SLCO1B3: variants seen among roughly 807,000 people sequenced by gnomAD.
The protein encoded by SLCO1B3 is liver-specific organic anion transporter 2.
A neutral mutation model predicts 71.8 loss-of-function variants in SLCO1B3; 72 were observed. The ratio of observed to expected loss-of-function variants is 1.00; its 90% CI spans 0.83 to 1.22. The LOEUF (loss-of-function observed/expected upper bound fraction) is 1.22. Among genes scored for constraint, SLCO1B3 ranks in the 50% most tolerant of loss-of-function variants. The pLI is 0.00. For missense variants in SLCO1B3, 911 were observed against 819.7 expected (o/e 1.11, Z -1.36); for synonymous variants, 298 against 278.4 (o/e 1.07, Z -0.70).
Position 20,879,537 on chromosome 12 carries a change from C to T in SLCO1B3, c.1237C>T (p.Leu413Phe), listed in dbSNP as rs577433244. The change falls in exon 11 of 16, where the codon CTT becomes TTT. Residue 413 changes from leucine to phenylalanine, a missense_variant. Physicochemically the swap from Leu to Phe is conservative, Grantham distance 22. Coordinates refer to ENST00000381545, the MANE Select transcript of SLCO1B3 (RefSeq NM_019844.4). ...SLVGIAKFSF[L>F]TSMISFLFQL... is the part of the protein sequence containing the mutation. ...AGTTGGAATTGCCAAATTTTCATTTCTTACTTCGATGATATCCTTCTTGTT... is the reference window on the plus strand; with the variant it reads ...AGTTGGAATTGCCAAATTTTCATTTTTTACTTCGATGATATCCTTCTTGTT... 1.1e-5 allele frequency: 17 copies of T among 1,611,874 alleles called. No individual in the cohort carries two copies. Among genetic ancestry groups the T allele is most frequent in the Non-Finnish European group, 7.6e-6 (9 of 1,178,564 alleles).
intron 8 of SLCO1B3, among the ~76,000 whole-genome samples, chr12:20,874,799 C>CT (rs1279465063): frequency 6.6e-6 from 1 of 152,126 alleles, no homozygotes; most frequent in Admixed American, 6.5e-5. Context: ...TTTATTGTCT[C>CT]TAAGTATTTT....
chr12:20,894,500 C>T (rs1370899505), intron 13 of SLCO1B3, among the ~76,000 whole-genome samples: 1 of 152,098 alleles, frequency 6.6e-6, no homozygotes, highest in Admixed American at 6.5e-5. Context: ...ATCTGCAAGT[C>T]CCCCCAAGTC....
At chr12:20,881,657 T>C (rs1277324605) in intron 12 of SLCO1B3, among the ~76,000 whole-genome samples, 1 of 151,954 alleles carries the variant, frequency 6.6e-6, no homozygotes, top group African/African-American at 2.4e-5. Flanking sequence ...AAATTCCATT[T>C]CTTTCTTAAC....
chr12:20,829,723 C>G (rs1864499850), intron 3 of SLCO1B3, among the ~76,000 whole-genome samples: 1 of 152,080 alleles, frequency 6.6e-6, no homozygotes, highest in African/African-American at 2.4e-5. Flanking sequence ...AATAGCTATT[C>G]CATAGAGAGA....
At chr12:20,860,824 C>T (rs1285345914) in intron 5 of SLCO1B3, among the ~76,000 whole-genome samples, 193 bp from the exon 6 acceptor site, 7 of 152,054 alleles carry the variant, frequency 4.6e-5, no homozygotes. Context: ...AAGTATCTTT[C>T]TTAGTGGACA....
intron 4 of SLCO1B3, among the ~76,000 whole-genome samples, chr12:20,857,518 A>T (rs1371233976): frequency 1.3e-5 from 2 of 151,526 alleles, no homozygotes; most frequent in African/African-American, 4.8e-5. Flanking sequence ...CTAATTTGTA[A>T]ATTTTTAATT....
At chr12:20,905,700 C>T (rs1265135210) in intron 15 of SLCO1B3, among the ~76,000 whole-genome samples, 1 of 152,176 alleles carries the variant, frequency 6.6e-6, no homozygotes, top group Non-Finnish European at 1.5e-5. Context: ...CCATCTGAGA[C>T]AATCCTGAAC....
intron 8 of SLCO1B3, 53 bp from the exon 9 acceptor site, chr12:20,875,182 C>T: frequency 6.3e-7 from 1 of 1,595,784 alleles, no homozygotes; most frequent in Non-Finnish European, 8.6e-7. Context: ...TTCCCAGAAC[C>T]TACTGTATTT....
At chr12:20,900,752 A>G (rs1335448363) in intron 14 of SLCO1B3, among the ~76,000 whole-genome samples, 1 of 152,196 alleles carries the variant, frequency 6.6e-6, no homozygotes, top group African/African-American at 2.4e-5. Context: ...GGCACTAAGA[A>G]AGAGAGAATT....
In SLCO1B3 at chr12:20,875,375, A is replaced by G; in HGVS notation, c.868A>G (p.Arg290Gly). 1 of 1,612,780 alleles carries G rather than the reference A, an allele frequency of 6.2e-7. No homozygotes were observed. Among genetic ancestry groups the G allele is most frequent in the Non-Finnish European group, 8.5e-7 (1 of 1,179,482 alleles). ...PKNPNKPQKE[R>G]KISLSLHVLK... The stretch of plus-strand genomic sequence containing the variant: ...AAATCCAAATAAACCACAAAAAGAA[A>G]GAAAAATTTCACTATCATTGCATGT... The change falls in exon 9 of 16, where the codon AGA becomes GGA. Residue 290 changes from arginine to glycine, a missense_variant. Physicochemically the swap from Arg to Gly is moderately radical, Grantham distance 125 (BLOSUM62 -2). Transcript: ENST00000381545.
intron 3 of SLCO1B3, among the ~76,000 whole-genome samples, chr12:20,828,628 T>G (rs959472119): frequency 6.7e-6 from 1 of 150,168 alleles, no homozygotes; most frequent in Non-Finnish European, 1.5e-5. Flanking sequence ...AAAGAAAGCA[T>G]AAAGGCACAC....
chr12:20,892,258 G>T (rs1865920086), intron 13 of SLCO1B3, among the ~76,000 whole-genome samples: 1 of 152,176 alleles, frequency 6.6e-6, no homozygotes, highest in South Asian at 2.1e-4. Flanking sequence ...TGTGTGTTAT[G>T]TAGGATCTAA....
intron 5 of SLCO1B3, among the ~76,000 whole-genome samples, chr12:20,859,490 T>TCCCA (rs1565592069): frequency 5.0e-5 from 7 of 140,584 alleles, no homozygotes; most frequent in Admixed American, 2.2e-4. Context: ...TCTGTTTTTT[T>TCCCA]CCCCCTCTAC....
Position 20,916,417 on chromosome 12 carries a change from G to C in SLCO1B3, c.*170G>C, listed in dbSNP as rs1866501210. 2 of 550,126 alleles carry C rather than the reference G, an allele frequency of 3.6e-6. No individual in the cohort carries two copies. Among genetic ancestry groups the C allele is most frequent in the East Asian group, 6.0e-5 (2 of 33,436 alleles). 34.1% of individuals were successfully genotyped at this position (550,126 alleles called of 1,614,324 possible). A position where few individuals can be genotyped will look rare whatever the true frequency, so the allele number is the denominator to read the frequency against. On this transcript the variant is annotated 3_prime_UTR_variant, in exon 16 of 16. Coordinates refer to ENST00000381545, the MANE Select transcript of SLCO1B3 (RefSeq NM_019844.4). ...GATATAGCTATGCCTTTATGGTTAAGATTAGAATATATGATCCATAAAAAT... is the reference window on the plus strand; with the variant it reads ...GATATAGCTATGCCTTTATGGTTAACATTAGAATATATGATCCATAAAAAT...
chr12:20,877,895 A>C lies in SLCO1B3; in HGVS notation c.1094A>C (p.Gln365Pro). ...SFTYVFKYME[Q>P]QYGQSASHAN... is the part of the protein sequence containing the mutation. ...ACTTACGTCTTTAAATATATGGAGC[A>C]ACAGTACGGTCAGTCTGCATCTCAT... The change falls in exon 10 of 16, where the codon CAA becomes CCA. Residue 365 changes from glutamine to proline, a missense_variant. Coordinates refer to ENST00000381545, the MANE Select transcript of SLCO1B3 (RefSeq NM_019844.4). 1 of 1,591,432 alleles carries C rather than the reference A, an allele frequency of 6.3e-7. No individual in the cohort carries two copies. Among genetic ancestry groups the C allele is most frequent in the Non-Finnish European group, 8.5e-7 (1 of 1,171,508 alleles).
intron 3 of SLCO1B3, among the ~76,000 whole-genome samples, chr12:20,848,643 T>G (rs565946093): frequency 1.3e-5 from 2 of 152,320 alleles, no homozygotes; most frequent in Admixed American, 6.5e-5. Context: ...AATGTAATTT[T>G]TTTTAGTGAT....
At chr12:20,899,070 C>T (rs1380461354) in intron 14 of SLCO1B3, among the ~76,000 whole-genome samples, 1 of 152,066 alleles carries the variant, frequency 6.6e-6, no homozygotes, top group African/African-American at 2.4e-5. Flanking sequence ...TGAGGATGTC[C>T]TGAATAAAAG....
intron 5 of SLCO1B3, 87 bp downstream of exon 5, chr12:20,858,658 G>A: frequency 1.6e-6 from 2 of 1,275,128 alleles, no homozygotes; most frequent in Non-Finnish European, 2.2e-6. Context: ...TAAGTGGGCA[G>A]TTACCTTTTG....
At chr12:20,834,660 T>G (rs946910041) in intron 3 of SLCO1B3, among the ~76,000 whole-genome samples, 4 of 152,150 alleles carry the variant, frequency 2.6e-5, no homozygotes, top group African/African-American at 9.6e-5. Context: ...GCTGAATGAC[T>G]GATGCAAGAG....
Sources: gnomAD v4.1 joint callset for allele counts (sites outside exome capture counted in the v4.1 genomes callset) on GRCh38, gnomAD v4.1.1 for gene constraint, MANE v1.5 for transcripts, NCBI Gene and HGNC (gene_info 2026-07-23, HGNC 2026-07-21) for gene names.